Variants in CDKAL1 observed in about 807,000 individuals in gnomAD.
CDKAL1 encodes the protein threonylcarbamoyladenosine tRNA methylthiotransferase.
CDKAL1 carries 32 observed loss-of-function variants against 68.2 expected under a neutral mutation model. The ratio of observed to expected loss-of-function variants is 0.47; its 90% CI spans 0.35 to 0.63. The LOEUF (loss-of-function observed/expected upper bound fraction) is 0.63. Among genes scored for constraint, CDKAL1 ranks in the 30% least tolerant of loss-of-function variants. CDKAL1 has a pLI of 0.00. For missense variants in CDKAL1, 606 were observed against 696.7 expected (o/e 0.87, Z 1.47); for synonymous variants, 234 against 244.3 (o/e 0.96, Z 0.39).
intron 11 of CDKAL1, among the ~76,000 whole-genome samples, chr6:21,031,174 G>A (rs1391229618): frequency 5.3e-5 from 8 of 151,762 alleles, no homozygotes; most frequent in Non-Finnish European, 1.2e-4. Flanking sequence ...TCCTTGCAGT[G>A]TTTGATTGAA....
chr6:20,930,052 A>AT (rs1763359992), intron 9 of CDKAL1, among the ~76,000 whole-genome samples: 1 of 152,228 alleles, frequency 6.6e-6, no homozygotes, highest in African/African-American at 2.4e-5. Context: ...GGTCAAAAGT[A>AT]TAAGTGATTT....
intron 4 of CDKAL1, among the ~76,000 whole-genome samples, chr6:20,648,258 G>A (rs977977972): frequency 6.6e-6 from 1 of 151,106 alleles, no homozygotes; most frequent in Non-Finnish European, 1.5e-5. Flanking sequence ...CTCCTGAATA[G>A]CTGAGAGTAC....
At chr6:20,896,292 G>A (rs915101052) in intron 9 of CDKAL1, among the ~76,000 whole-genome samples, 2 of 151,874 alleles carry the variant, frequency 1.3e-5, no homozygotes, top group Non-Finnish European at 2.9e-5. Context: ...TAAAGACGGG[G>A]TTTCACCGTG....
chr6:21,147,692 G>A (rs1203876216), intron 13 of CDKAL1, among the ~76,000 whole-genome samples: 2 of 152,060 alleles, frequency 1.3e-5, no homozygotes, highest in Non-Finnish European at 2.9e-5. Flanking sequence ...ACTTCCATTT[G>A]GCAAAATAAA....
At chr6:20,784,412 CTTTTTTTT>C (rs1175015329) in intron 8 of CDKAL1, among the ~76,000 whole-genome samples, 23 of 33,490 alleles carry the variant, frequency 6.9e-4, no homozygotes, top group African/African-American at 1.1e-3. Context: ...TATTTTATTT[CTTTTTTTT>C]TTTTTTTTTT....
intron 9 of CDKAL1, among the ~76,000 whole-genome samples, chr6:20,948,681 C>T (rs1438941214): frequency 2.6e-5 from 4 of 152,162 alleles, no homozygotes; most frequent in East Asian, 1.9e-4. Context: ...ACACCTCTCT[C>T]GACATCCTGC....
chr6:21,140,604 G>T (rs1775849926), intron 13 of CDKAL1, among the ~76,000 whole-genome samples: 1 of 152,186 alleles, frequency 6.6e-6, no homozygotes, highest in South Asian at 2.1e-4. Context: ...GGAGGGTTTG[G>T]TCGTTGCTAG....
intron 7 of CDKAL1, among the ~76,000 whole-genome samples, chr6:20,763,546 CAA>C (rs1774562139): frequency 6.6e-6 from 1 of 152,194 alleles, no homozygotes; most frequent in African/African-American, 2.4e-5. Context: ...TACCGCCTGA[CAA>C]GAGGATTTTG....
intron 8 of CDKAL1, among the ~76,000 whole-genome samples, chr6:20,813,983 T>C (rs1776933096): frequency 6.6e-6 from 1 of 152,026 alleles, no homozygotes; most frequent in Non-Finnish European, 1.5e-5. Context: ...TTATTGTCAT[T>C]TGGATTCCAT....
intron 11 of CDKAL1, among the ~76,000 whole-genome samples, chr6:21,028,956 G>A (rs1349205321): frequency 6.6e-6 from 1 of 152,048 alleles, no homozygotes; most frequent in East Asian, 1.9e-4. Flanking sequence ...AAGTCACCAG[G>A]CATTAAAATT....
At chr6:21,223,495 G>T (rs910417134) in intron 15 of CDKAL1, among the ~76,000 whole-genome samples, 3 of 152,100 alleles carry the variant, frequency 2.0e-5, no homozygotes, top group Admixed American at 6.5e-5. Context: ...CTGAATCCTT[G>T]TGCTTCTGGT....
At chr6:20,613,848 G>T (rs910070768) in intron 4 of CDKAL1, among the ~76,000 whole-genome samples, 3 of 152,020 alleles carry the variant, frequency 2.0e-5, no homozygotes, top group Non-Finnish European at 4.4e-5. Flanking sequence ...TGGGTTAAAA[G>T]TTGTGTACAT....
At chr6:21,002,723 C>T (rs1336641578) in intron 11 of CDKAL1, among the ~76,000 whole-genome samples, 2 of 151,378 alleles carry the variant, frequency 1.3e-5, no homozygotes, top group African/African-American at 4.9e-5. Flanking sequence ...TGCGGTGGCT[C>T]ACACCTGGAA....
intron 13 of CDKAL1, among the ~76,000 whole-genome samples, chr6:21,125,991 C>T (rs560766327): frequency 6.6e-6 from 1 of 152,306 alleles, no homozygotes; most frequent in South Asian, 2.1e-4. Flanking sequence ...GTGGCTGACA[C>T]ATAACAGATG....
rs770614347 is a variant in CDKAL1 at position 20,739,546 on chromosome 6, C to G, written c.399C>G (p.Ile133Met). ...AAGCTCAAGAGGAGAACAAGAAAATCGTACTGGCTGGATGCGTTCCTCAAG... is the reference window on the plus strand; with the variant it reads ...AAGCTCAAGAGGAGAACAAGAAAATGGTACTGGCTGGATGCGTTCCTCAAG... ...IKKAQEENKK[I>M]VLAGCVPQAQ... The change falls in exon 6 of 16, where the codon ATC (isoleucine) becomes ATG (methionine). Residue 133 changes from isoleucine to methionine, a missense_variant. Coordinates refer to ENST00000274695, the MANE Select transcript of CDKAL1 (RefSeq NM_017774.3). 6.2e-6 allele frequency: 10 copies of G among 1,611,992 alleles called. No homozygotes were observed. The East Asian group carries it at 1.8e-4, about 29-fold the overall frequency.
intron 4 of CDKAL1, among the ~76,000 whole-genome samples, chr6:20,554,398 T>C (rs1208512103): frequency 1.3e-5 from 2 of 152,258 alleles, no homozygotes; most frequent in South Asian, 2.1e-4. Context: ...TTTTGGATTA[T>C]TTCTTTGGGA....
intron 10 of CDKAL1, among the ~76,000 whole-genome samples, chr6:20,995,777 C>T (rs568943168): frequency 1.3e-5 from 2 of 152,236 alleles, no homozygotes; most frequent in South Asian, 4.1e-4. Flanking sequence ...TGCATTATCC[C>T]CTAACAAGAG....
At chr6:20,720,282 A>T (rs1772283429) in intron 5 of CDKAL1, among the ~76,000 whole-genome samples, 1 of 152,122 alleles carries the variant, frequency 6.6e-6, no homozygotes, top group Non-Finnish European at 1.5e-5. Context: ...TTAAAAAAAA[A>T]TTTGCACAAA....
In CDKAL1 at chr6:20,661,605, A is replaced by AC. The variant is rs35014292; in HGVS notation, c.371+12230dup. ...TAATTCCTGGTTTACATAAAAAAAA[A>AC]CCAAATGAAACTGTAAACTTACAGT... On this transcript the variant is annotated intron_variant, in intron 5 of 15. Transcript: ENST00000274695. Among the ~76,000 whole-genome samples, 12 of 151,894 alleles carry AC rather than the reference A, an allele frequency of 7.9e-5. No homozygotes were observed. The South Asian group carries it at 2.5e-3, about 32-fold the overall frequency.
Sources: allele counts gnomAD v4.1 joint callset (sites outside exome capture counted in the v4.1 genomes callset), GRCh38; gene constraint gnomAD v4.1.1; transcripts MANE v1.5; gene names NCBI Gene and HGNC (gene_info 2026-07-23, HGNC 2026-07-21).